The following TRIM5 variants were observed in gnomAD, a reference collection of about 807,000 sequenced individuals.
TRIM5 encodes tripartite motif containing 5, also known as tripartite motif-containing protein 5.
TRIM5 carries 31 observed loss-of-function variants against 35.6 expected under a neutral mutation model. That is an observed-to-expected ratio of 0.87 (90% CI 0.65 to 1.18). TRIM5 has a LOEUF of 1.18. TRIM5 is among the 50% of genes most tolerant of loss of function. The pLI, the probability that TRIM5 is intolerant of heterozygous loss-of-function variation, is 0.00. For missense variants in TRIM5, 609 were observed against 591.6 expected (o/e 1.03, Z -0.31); for synonymous variants, 243 against 215.6 (o/e 1.13, Z -1.11).
At chr11:5,623,876 G>A in the TRIM5 span, among the ~76,000 whole-genome samples, 1 of 152,186 alleles carries the variant, frequency 6.6e-6, no homozygotes, top group Non-Finnish European at 1.5e-5. Flanking sequence ...GGGCAAAAAT[G>A]AAAATTGTAC....
chr11:5,633,138 TTTTC>T, the TRIM5 span, among the ~76,000 whole-genome samples: 4 of 121,316 alleles, frequency 3.3e-5, no homozygotes, highest in African/African-American at 6.1e-5. Flanking sequence ...ATGCCCGGCC[TTTTC>T]TTTCTTTTTT....
the TRIM5 span, chr11:5,605,563 T>A: frequency 6.2e-7 from 1 of 1,613,572 alleles, no homozygotes; most frequent in Non-Finnish European, 8.5e-7. Context: ...ATGGAGCTGC[T>A]GCAGGTAAGG....
intron 4 of TRIM5, among the ~76,000 whole-genome samples, chr11:5,674,678 C>T (rs1057293668): frequency 1.3e-5 from 2 of 152,218 alleles, no homozygotes; most frequent in Admixed American, 6.5e-5. Context: ...TATCTAAATG[C>T]GAGGTTGCCC....
chr11:5,631,228 C>T, the TRIM5 span, among the ~76,000 whole-genome samples: 8 of 152,252 alleles, frequency 5.3e-5, no homozygotes, highest in East Asian at 1.9e-4. Flanking sequence ...AACACAAGAC[C>T]CCCCCAGAAA....
chr11:5,634,830 G>C, the TRIM5 span: 15 of 1,612,898 alleles, frequency 9.3e-6, no homozygotes, highest in Non-Finnish European at 1.3e-5. Flanking sequence ...GTGGAGTGTC[G>C]GAGTCAGTGG....
At chr11:5,668,325 C>T (rs1448762905) in intron 4 of TRIM5, among the ~76,000 whole-genome samples, 1 of 151,204 alleles carries the variant, frequency 6.6e-6, no homozygotes, top group African/African-American at 2.4e-5. Context: ...TATATATAAA[C>T]TTATTCTCCA....
chr11:5,640,350 T>C, the TRIM5 span, among the ~76,000 whole-genome samples: 1 of 152,194 alleles, frequency 6.6e-6, no homozygotes, highest in Non-Finnish European at 1.5e-5. Flanking sequence ...GAAAGTGTGC[T>C]GAATTTTGCT....
chr11:5,616,202 CG>C, the TRIM5 span, among the ~76,000 whole-genome samples: 62,798 of 143,308 alleles, frequency 0.44, 17,502 homozygotes, highest in African/African-American at 0.47. Flanking sequence ...CCACCCGCCT[CG>C]GCCTCCCAAA....
In TRIM5 at chr11:5,667,703, A is replaced by ATCCAC; in HGVS notation, c.748_752dup (p.Asp251GlufsTer6). 1.2e-6 allele frequency: 2 copies of ATCCAC among 1,613,778 alleles called. No homozygotes were observed. Among genetic ancestry groups the ATCCAC allele is most frequent in the Non-Finnish European group, 1.7e-6 (2 of 1,179,892 alleles). On this transcript the variant is annotated frameshift_variant, in exon 5 of 8. Transcript: ENST00000380034. LOFTEE classifies it high-confidence loss of function. The stretch of plus-strand genomic sequence containing the variant: ...CCCACACATACCTTTTTATGACGCC[A>ATCCAC]TCCACACCCTAGGAAGAAGAGAGAA...
the TRIM5 span, among the ~76,000 whole-genome samples, chr11:5,620,645 A>G: frequency 4.0e-5 from 6 of 151,010 alleles, no homozygotes; most frequent in African/African-American, 1.5e-4. Flanking sequence ...CTGCCCAGCT[A>G]AGTCTCCATT....
chr11:5,661,201 C>G (rs1850813231), downstream of TRIM5, among the ~76,000 whole-genome samples: 1 of 150,022 alleles, frequency 6.7e-6, no homozygotes, highest in African/African-American at 2.5e-5. Flanking sequence ...AGTATAGCAT[C>G]AAGAAGGAGT....
chr11:5,608,304 G>C, the TRIM5 span: 1 of 1,602,508 alleles, frequency 6.2e-7, no homozygotes, highest in Non-Finnish European at 8.5e-7. Flanking sequence ...TAGGGGACAT[G>C]GAAGGAGAAA....
At chr11:5,617,453 C>G in the TRIM5 span, among the ~76,000 whole-genome samples, 2 of 140,678 alleles carry the variant, frequency 1.4e-5, no homozygotes, top group African/African-American at 2.6e-5. Flanking sequence ...CTGTGTCAAT[C>G]ACGTTTCTAT....
chr11:5,608,695 A>C, the TRIM5 span, among the ~76,000 whole-genome samples: 1 of 151,870 alleles, frequency 6.6e-6, no homozygotes, highest in Non-Finnish European at 1.5e-5. Flanking sequence ...TGCCTCAAAC[A>C]AACAAAAAAA....
chr11:5,608,548 A>G, the TRIM5 span, among the ~76,000 whole-genome samples: 2 of 152,064 alleles, frequency 1.3e-5, no homozygotes, highest in African/African-American at 4.8e-5. Flanking sequence ...ATCCCCAAAT[A>G]AAGGGGATGA....
the TRIM5 span, among the ~76,000 whole-genome samples, chr11:5,614,368 G>A: frequency 6.6e-6 from 1 of 152,146 alleles, no homozygotes; most frequent in Admixed American, 6.5e-5. Flanking sequence ...AAAACTTAGG[G>A]GAGAAAACGT....
the TRIM5 span, among the ~76,000 whole-genome samples, chr11:5,654,215 T>C: frequency 6.6e-6 from 1 of 152,108 alleles, no homozygotes; most frequent in Non-Finnish European, 1.5e-5. Flanking sequence ...AGGTATCATG[T>C]TTTCTTGCTT....
chr11:5,606,327 T>G, the TRIM5 span, among the ~76,000 whole-genome samples: 3,570 of 152,268 alleles, frequency 0.023, 145 homozygotes, highest in African/African-American at 0.082. Context: ...CTAGAGAGAT[T>G]TGATGGAGGG....
At chr11:5,608,299 G>T in the TRIM5 span, 1 of 1,598,630 alleles carries the variant, frequency 6.3e-7, no homozygotes, top group Non-Finnish European at 8.5e-7. Flanking sequence ...TGGGGTAGGG[G>T]ACATGGAAGG....
Sources: allele counts gnomAD v4.1 joint callset (sites outside exome capture counted in the v4.1 genomes callset), GRCh38; gene constraint gnomAD v4.1.1; transcripts MANE v1.5; gene names NCBI Gene and HGNC (gene_info 2026-07-23, HGNC 2026-07-21).